WNK1: variants seen among roughly 807,000 people sequenced by gnomAD.
WNK1 encodes the protein serine/threonine-protein kinase WNK1.
WNK1 carries 38 observed loss-of-function variants against 222.8 expected under a neutral mutation model. The observed-to-expected ratio is 0.17, with a 90% CI of 0.13 to 0.22. The LOEUF (loss-of-function observed/expected upper bound fraction) is 0.22. WNK1 is among the 10% of genes least tolerant of loss of function. The probability of loss-of-function intolerance (pLI) is 1.00; values close to 1 mark genes in which losing one functional copy is unlikely to be tolerated. For missense variants in WNK1, 2,348 were observed against 2,918.4 expected (o/e 0.80, Z 4.50); for synonymous variants, 1,090 against 1,092.9 (o/e 1.00, Z 0.05).
rs1305403470 is a variant in WNK1, at chr12:910,286, C to T, written c.*1494C>T. 8.0e-6 allele frequency: 1 copy of T among 125,780 alleles called. No individual in the cohort carries two copies. The highest frequency in any genetic ancestry group is 2.7e-5 in the African/African-American group (1 of 36,770). 7.8% of individuals were successfully genotyped at this position (125,780 alleles called of 1,614,324 possible). A position where few individuals can be genotyped will look rare whatever the true frequency, so the allele number is the denominator to read the frequency against. On this transcript the variant is annotated 3_prime_UTR_variant, in exon 28 of 28. Transcript: ENST00000315939. ...GTACTACATTTTGTGGAAAGTTAAT[C>T]TATCTATCTTTCCACATCTGAATTA...
chr12:769,088 G>C (rs1209335812), intron 1 of WNK1, among the ~76,000 whole-genome samples: 1 of 152,110 alleles, frequency 6.6e-6, no homozygotes, highest in Admixed American at 6.6e-5. Context: ...GATTGTAGGC[G>C]TGAGCCACTG....
At chr12:898,326 TA>T (rs1176378364) in intron 25 of WNK1, among the ~76,000 whole-genome samples, 1 of 151,366 alleles carries the variant, frequency 6.6e-6, no homozygotes, top group Non-Finnish European at 1.5e-5. Context: ...CTACTAAAAA[TA>T]AAAAAATTAG....
chr12:756,902 C>A (rs528825241), intron 1 of WNK1, among the ~76,000 whole-genome samples: 1 of 152,288 alleles, frequency 6.6e-6, no homozygotes, highest in East Asian at 1.9e-4. Flanking sequence ...TGGGAGAAAT[C>A]TTAGGTTATT....
intron 4 of WNK1, among the ~76,000 whole-genome samples, chr12:849,533 A>C (rs1440972036): frequency 6.6e-6 from 1 of 152,172 alleles, no homozygotes; most frequent in African/African-American, 2.4e-5. Context: ...AAGAAGAGGC[A>C]AAAAATTTGT....
Position 896,371 on chromosome 12 carries a change from A to G in WNK1, c.5884A>G (p.Lys1962Glu), listed in dbSNP as rs754186219. 2 of 1,614,216 alleles carry G rather than the reference A, an allele frequency of 1.2e-6. No homozygotes were observed. The highest frequency in any genetic ancestry group is 1.1e-5 in the South Asian group (1 of 91,086). Reference protein sequence around the residue: ...ANKVGRFSVSKTEDKITDTKK... With the variant: ...ANKVGRFSVSETEDKITDTKK... ...CAAAGTGGGTCGTTTCTCTGTATCA[A>G]AAACTGAGGACAAGATCACTGACAC... Residue 1962 changes from lysine to glutamate, a missense_variant, in exon 24 of 28, where the codon AAA becomes GAA. This residue lies in a region of WNK1 where 1,144 missense variants were observed against 1,273.6 expected (regional missense o/e 0.90). Transcript: ENST00000315939.
At chr12:798,914 A>C (rs1294489956) in intron 1 of WNK1, among the ~76,000 whole-genome samples, 1 of 152,090 alleles carries the variant, frequency 6.6e-6, no homozygotes, top group Non-Finnish European at 1.5e-5. Flanking sequence ...CGGGGATGTT[A>C]AATAGACCCT....
chr12:880,782 A>G lies in WNK1; in HGVS notation c.2894A>G (p.Asn965Ser), dbSNP rs771204045. 5.0e-6 allele frequency: 8 copies of G among 1,613,644 alleles called. No individual in the cohort carries two copies. Among genetic ancestry groups the G allele is most frequent in the Admixed American group, 3.3e-5 (2 of 59,960 alleles). The stretch of plus-strand genomic sequence containing the variant: ...GATTCAAATATTGCTCCCTCTTCCA[A>G]CGTGGCTTCTGTTTGCATCCATTCT... ...PGDSNIAPSSNVASVCIHSTV... is the reference protein window; with the variant it reads ...PGDSNIAPSSSVASVCIHSTV... The change falls in exon 12 of 28, where the codon AAC becomes AGC. Residue 965 changes from asparagine (N) to serine (S), a missense_variant. Coordinates refer to ENST00000315939, the MANE Select transcript of WNK1 (RefSeq NM_018979.4).
Position 878,249 on chromosome 12 carries a change from C to G in WNK1, c.2261C>G (p.Thr754Arg). 6.2e-7 allele frequency: 1 copy of G among 1,614,170 alleles called. No homozygotes were observed. The highest frequency in any genetic ancestry group is 1.1e-5 in the South Asian group (1 of 91,078). ...GIQQTAPPQQ[T>R]VQYSLSQTST... Reference sequence around the variant, plus strand: ...CAGCAGACAGCCCCTCCTCAACAGACAGTGCAGTATTCACTTTCACAGACA... The same window carrying G: ...CAGCAGACAGCCCCTCCTCAACAGAGAGTGCAGTATTCACTTTCACAGACA... The change falls in exon 10 of 28, where the codon ACA (threonine) becomes AGA (arginine). Residue 754 changes from threonine (T) to arginine (R), a missense_variant. Around this residue, in one of 13 missense-constraint regions of WNK1, gnomAD observed 547 missense variants for 558.3 expected, o/e 0.98. Transcript: ENST00000315939.
Position 878,339 on chromosome 12 carries a change from C to G in WNK1, c.2351C>G (p.Pro784Arg), listed in dbSNP as rs1952810753. 1 of 1,613,766 alleles carries G rather than the reference C, an allele frequency of 6.2e-7. No homozygotes were observed. Among genetic ancestry groups the G allele is most frequent in the Non-Finnish European group, 8.5e-7 (1 of 1,179,960 alleles). ...VSQPQAPQVL[P>R]QVSAGKQLPV... ...CAGCCTCAAGCTCCACAAGTCTTGC[C>G]TCAAGTATCAGCTGGAAAACAGGTA... is the stretch of plus-strand genomic sequence containing the variant. Residue 784 changes from proline (P) to arginine (R), a missense_variant, in exon 10 of 28, where the codon CCT becomes CGT. Around this residue, in one of 13 missense-constraint regions of WNK1, gnomAD observed 547 missense variants for 558.3 expected, o/e 0.98. Coordinates refer to ENST00000315939, the MANE Select transcript of WNK1 (RefSeq NM_018979.4).
chr12:879,464 T>TTTTTCTTC, intron 10 of WNK1, 109 bp from the exon 11 acceptor site: 1 of 723,070 alleles, frequency 1.4e-6, no homozygotes, highest in Non-Finnish European at 2.1e-6. Flanking sequence ...TTTTGTTTGT[T>TTTTTCTTC]TTTTCCTTCT....
chr12:756,053 C>CCT (rs1230100364), intron 1 of WNK1, among the ~76,000 whole-genome samples: 4 of 152,208 alleles, frequency 2.6e-5, no homozygotes, highest in African/African-American at 9.6e-5. Context: ...TACAGGTAGA[C>CCT]ACATTTCTTT....
Position 879,565 on chromosome 12 carries a change from CT to C in WNK1, c.2374-6del. ...GCCTGTCTGTTTTGTTTTTCTTTAC[CT>C]TCCCAGCTTCCAGTTTCCCAGCCAG... On this transcript the variant is annotated splice_polypyrimidine_tract_variant and splice_region_variant and intron_variant, in intron 10 of 27. Transcript: ENST00000315939. 9.0e-7 allele frequency: 1 copy of C among 1,106,814 alleles called. No individual in the cohort carries two copies. The highest frequency in any genetic ancestry group is 1.2e-6 in the Non-Finnish European group (1 of 812,476). 68.6% of individuals were successfully genotyped at this position (1,106,814 alleles called of 1,614,324 possible). A position where few individuals can be genotyped will look rare whatever the true frequency, so the allele number is the denominator to read the frequency against.
intron 8 of WNK1, among the ~76,000 whole-genome samples, chr12:866,730 AG>A (rs61294527): frequency 0.38 from 57,607 of 152,098 alleles, 11,526 homozygotes; most frequent in East Asian, 0.53. Flanking sequence ...TCTTAAATCT[AG>A]AACTGCTTCT....
chr12:832,296 C>T (rs1370024999), intron 4 of WNK1, among the ~76,000 whole-genome samples: 3 of 152,144 alleles, frequency 2.0e-5, no homozygotes, highest in South Asian at 2.1e-4. Flanking sequence ...AGGATGGTCT[C>T]GATCTCCTGA....
intron 1 of WNK1, among the ~76,000 whole-genome samples, chr12:796,932 A>G (rs1237425371): frequency 1.3e-5 from 2 of 152,048 alleles, no homozygotes; most frequent in Admixed American, 6.6e-5. Flanking sequence ...GTGGTGCCCT[A>G]TTCTCCACAG....
chr12:775,936 GTTTGTTTTTCATT>G (rs1295148994), intron 1 of WNK1, among the ~76,000 whole-genome samples: 1 of 152,058 alleles, frequency 6.6e-6, no homozygotes, highest in Non-Finnish European at 1.5e-5. Flanking sequence ...ATTCTTGTTT[GTTTGTTTTTCATT>G]TTTGTTTTAA....
chr12:901,425 C>T lies in WNK1; in HGVS notation c.6643+755C>T, dbSNP rs1955247903. 9.8e-6 allele frequency: 4 copies of T among 408,504 alleles called. No homozygotes were observed. The Admixed American group carries it at 1.7e-4, about 17-fold the overall frequency. 25.3% of individuals were successfully genotyped at this position (408,504 alleles called of 1,614,324 possible). ...ATATTTCATCTCTTACATATCTGAC[C>T]TTCCCCCCAGAAGCTTGTTCTTCTG... On this transcript the variant is annotated intron_variant, in intron 26 of 27. Transcript: ENST00000315939.
chr12:884,216 G>C lies in WNK1; in HGVS notation c.3817G>C (p.Val1273Leu), dbSNP rs2154083543. ...AGAAAGCCGATTACGAGAATCAAAA[G>C]TTTTCCCCAGTGAAATAACAGATAC... is the stretch of plus-strand genomic sequence containing the variant. ...VPESRLRESK[V>L]FPSEITDTVA... is the part of the protein sequence containing the mutation. Residue 1273 changes from valine to leucine, a missense_variant, in exon 18 of 28, where the codon GTT becomes CTT. Around this residue, in one of 13 missense-constraint regions of WNK1, gnomAD observed 1,144 missense variants for 1,273.6 expected, o/e 0.90. Transcript: ENST00000315939. This position sits in a 1 kb window ranked among gnomAD's most constrained non-coding sequence, Gnocchi z 5.6. 6.2e-7 allele frequency: 1 copy of C among 1,614,092 alleles called. No individual in the cohort carries two copies. Among genetic ancestry groups the C allele is most frequent in the Middle Eastern group, 1.7e-4 (1 of 6,060 alleles).
chr12:836,364 A>G (rs1265651780), intron 4 of WNK1, among the ~76,000 whole-genome samples: 1 of 152,198 alleles, frequency 6.6e-6, no homozygotes, highest in African/African-American at 2.4e-5. Flanking sequence ...AAATCTGTTG[A>G]AATTATATAA....
Sources: allele counts gnomAD v4.1 joint callset (sites outside exome capture counted in the v4.1 genomes callset), GRCh38; gene constraint gnomAD v4.1.1; regional missense constraint gnomAD v4.1.1; non-coding constraint Gnocchi (gnomAD v3.1); transcripts MANE v1.5; gene names NCBI Gene and HGNC (gene_info 2026-07-23, HGNC 2026-07-21).